The following CNTNAP2 variants were observed in gnomAD, a reference collection of about 807,000 sequenced individuals.
The protein encoded by CNTNAP2 is contactin associated protein 2, also known as contactin-associated protein-like 2.
CNTNAP2 carries 98 observed loss-of-function variants against 155.2 expected under a neutral mutation model. The ratio of observed to expected loss-of-function variants is 0.63; its 90% CI spans 0.54 to 0.75. CNTNAP2 has a LOEUF of 0.75. CNTNAP2 is among the 30% of genes least tolerant of loss of function. The pLI is 0.00. For missense variants in CNTNAP2, 1,727 were observed against 1,688.1 expected (o/e 1.02, Z -0.40); for synonymous variants, 651 against 631.2 (o/e 1.03, Z -0.47).
At chr7:146,908,229 T>A (rs1268646286) in intron 3 of CNTNAP2, among the ~76,000 whole-genome samples, 2 of 151,946 alleles carry the variant, frequency 1.3e-5, no homozygotes, top group Non-Finnish European at 2.9e-5. Flanking sequence ...ACTGTCAACA[T>A]TAGACAGATC....
intron 13 of CNTNAP2, among the ~76,000 whole-genome samples, chr7:147,857,970 T>C (rs1584994334): frequency 1.3e-5 from 2 of 152,348 alleles, no homozygotes; most frequent in South Asian, 4.1e-4. Context: ...CAGTTCTAAC[T>C]ACACAGTACG....
At chr7:147,688,012 A>G (rs1190293819) in intron 13 of CNTNAP2, among the ~76,000 whole-genome samples, 2 of 152,170 alleles carry the variant, frequency 1.3e-5, no homozygotes, top group East Asian at 3.9e-4. Context: ...TGCTCTGCAT[A>G]TAATCCCTGC....
intron 11 of CNTNAP2, among the ~76,000 whole-genome samples, chr7:147,488,238 G>A (rs888628473): frequency 3.3e-5 from 5 of 152,142 alleles, no homozygotes; most frequent in African/African-American, 4.8e-5. Flanking sequence ...ACATTTTTGC[G>A]AAATCAATGA....
At chr7:146,420,434 G>A (rs1195756519) in intron 1 of CNTNAP2, among the ~76,000 whole-genome samples, 1 of 152,110 alleles carries the variant, frequency 6.6e-6, no homozygotes, top group South Asian at 2.1e-4. Flanking sequence ...TTGGAGACAG[G>A]TGCAATAGTG....
intron 11 of CNTNAP2, among the ~76,000 whole-genome samples, chr7:147,543,687 A>G (rs961843876): frequency 1.3e-5 from 2 of 152,168 alleles, no homozygotes; most frequent in African/African-American, 4.8e-5. Context: ...GATGCATGTA[A>G]TAAGCCAGTA....
Position 146,144,953 on chromosome 7 carries a change from T to C in CNTNAP2, c.97+27980T>C, listed in dbSNP as rs554959174. Among the ~76,000 whole-genome samples, 3 of 152,264 alleles carry C rather than the reference T, an allele frequency of 2.0e-5. No individual in the cohort carries two copies. The East Asian group carries it at 5.8e-4, about 29-fold the overall frequency. On this transcript the variant is annotated intron_variant, in intron 1 of 23. Coordinates refer to ENST00000361727, the MANE Select transcript of CNTNAP2 (RefSeq NM_014141.6). ...TCAGGAAGAAAGTCCCAGATGACTT[T>C]TCAAAACTTCAGGGTTGGCAGTAGC...
intron 1 of CNTNAP2, among the ~76,000 whole-genome samples, chr7:146,513,946 T>C (rs2129136063): frequency 6.6e-6 from 1 of 152,212 alleles, no homozygotes; most frequent in East Asian, 1.9e-4. Context: ...AGGATACTTT[T>C]ACTGAGTATA....
At chr7:146,923,670 C>T (rs1051073999) in intron 3 of CNTNAP2, among the ~76,000 whole-genome samples, 1 of 152,098 alleles carries the variant, frequency 6.6e-6, no homozygotes, top group Admixed American at 6.6e-5. Flanking sequence ...TATTTGTTGT[C>T]CGCTACTCCT....
chr7:146,127,569 CT>C (rs1797654695), intron 1 of CNTNAP2, among the ~76,000 whole-genome samples: 2 of 152,202 alleles, frequency 1.3e-5, no homozygotes, highest in Admixed American at 1.3e-4. Flanking sequence ...AAGCTTACAA[CT>C]TCTGCAACCC....
At chr7:146,198,651 T>A (rs1260451688) in intron 1 of CNTNAP2, among the ~76,000 whole-genome samples, 1 of 152,188 alleles carries the variant, frequency 6.6e-6, no homozygotes, top group Non-Finnish European at 1.5e-5. Flanking sequence ...GTGTGTAAGA[T>A]CTCAACTTGT....
chr7:148,178,234 A>G (rs1794980931), intron 18 of CNTNAP2, among the ~76,000 whole-genome samples: 1 of 152,230 alleles, frequency 6.6e-6, no homozygotes, highest in Non-Finnish European at 1.5e-5. Flanking sequence ...AACTATAAAA[A>G]TGTTCATGTT....
chr7:147,864,536 G>T (rs1039905886), intron 13 of CNTNAP2, among the ~76,000 whole-genome samples: 2 of 151,718 alleles, frequency 1.3e-5, no homozygotes, highest in African/African-American at 4.8e-5. Flanking sequence ...CCATTTTCAT[G>T]ATATTGATTC....
At chr7:146,234,877 G>A (rs1799446048) in intron 1 of CNTNAP2, among the ~76,000 whole-genome samples, 1 of 152,184 alleles carries the variant, frequency 6.6e-6, no homozygotes. Context: ...TATGAGTTGG[G>A]AAGTCAATTG....
intron 1 of CNTNAP2, among the ~76,000 whole-genome samples, chr7:146,763,048 C>G (rs531301575): frequency 5.3e-5 from 8 of 152,026 alleles, no homozygotes; most frequent in Non-Finnish European, 1.5e-5. Flanking sequence ...AATTCAGATG[C>G]GATTTGGGTT....
At chr7:148,137,823 T>A (rs1367562347) in intron 16 of CNTNAP2, among the ~76,000 whole-genome samples, 2 of 152,240 alleles carry the variant, frequency 1.3e-5, no homozygotes, top group African/African-American at 2.4e-5. Flanking sequence ...CTCCACTATT[T>A]GTCCAATACT....
At chr7:146,217,790 A>C (rs573364350) in intron 1 of CNTNAP2, among the ~76,000 whole-genome samples, 1 of 152,286 alleles carries the variant, frequency 6.6e-6, no homozygotes, top group African/African-American at 2.4e-5. Flanking sequence ...TCCTATCTTA[A>C]CCAGCACATA....
chr7:146,659,122 C>A (rs998221062), intron 1 of CNTNAP2, among the ~76,000 whole-genome samples: 1 of 152,112 alleles, frequency 6.6e-6, no homozygotes, highest in Admixed American at 6.6e-5. Context: ...TGATGAAATA[C>A]CGTTGGCAAG....
At chr7:148,320,469 C>T (rs556899186) in intron 21 of CNTNAP2, among the ~76,000 whole-genome samples, 4 of 149,708 alleles carry the variant, frequency 2.7e-5, no homozygotes, top group African/African-American at 4.9e-5. Flanking sequence ...TGGCACCCTC[C>T]GCCTCCTGGG....
intron 13 of CNTNAP2, among the ~76,000 whole-genome samples, chr7:147,876,400 C>T (rs1799419139): frequency 6.6e-6 from 1 of 152,026 alleles, no homozygotes; most frequent in South Asian, 2.1e-4. Context: ...TATTGCTCAG[C>T]CAAAATAATG....
Sources: gnomAD v4.1 joint callset for allele counts (sites outside exome capture counted in the v4.1 genomes callset) on GRCh38, gnomAD v4.1.1 for gene constraint, MANE v1.5 for transcripts, NCBI Gene and HGNC (gene_info 2026-07-23, HGNC 2026-07-21) for gene names.